Variants in PCDH11X observed in about 807,000 individuals in gnomAD.
PCDH11X encodes protocadherin-11 X-linked.
PCDH11X carries 18 observed loss-of-function variants against 53.3 expected under a neutral mutation model. The observed-to-expected ratio is 0.34, with a 90% CI of 0.23 to 0.50. PCDH11X has a LOEUF of 0.50. Among genes scored for constraint, PCDH11X ranks in the 20% least tolerant of loss-of-function variants. The pLI, the probability that PCDH11X is intolerant of heterozygous loss-of-function variation, is 0.98. For missense variants in PCDH11X, 570 were observed against 1,032.4 expected (o/e 0.55, Z 6.14); for synonymous variants, 279 against 393.3 (o/e 0.71, Z 3.44).
intron 6 of PCDH11X, among the ~76,000 whole-genome samples, chrX:92,179,680 A>G (rs2065963087): frequency 8.9e-6 from 1 of 112,386 alleles, no homozygotes; most frequent in South Asian, 3.6e-4. Context: ...ACTGTTAAAA[A>G]TGAATTCCAT....
chrX:92,214,764 G>C (rs1366483261), intron 7 of PCDH11X, among the ~76,000 whole-genome samples: 1 of 111,641 alleles, frequency 9.0e-6, no homozygotes, highest in Non-Finnish European at 1.9e-5. Flanking sequence ...AGTACTGCCA[G>C]GAGGCCAGGC....
At chrX:92,551,027 G>A (rs139057772) in intron 10 of PCDH11X, among the ~76,000 whole-genome samples, 2,505 of 111,187 alleles carry the variant, frequency 0.023, 87 homozygotes, top group African/African-American at 0.077. Context: ...TAGCTACTGT[G>A]AACAGTGCTC....
chrX:92,074,580 G>C (rs983222785), intron 6 of PCDH11X, among the ~76,000 whole-genome samples: 2 of 111,424 alleles, frequency 1.8e-5, no homozygotes, highest in African/African-American at 6.5e-5. Flanking sequence ...AAAAAAATTT[G>C]TTCTATTCAT....
chrX:92,238,315 AT>A (rs1285691307), intron 7 of PCDH11X, among the ~76,000 whole-genome samples: 1 of 111,423 alleles, frequency 9.0e-6, no homozygotes, highest in Non-Finnish European at 1.9e-5. Context: ...TAGACATCTA[AT>A]TTTCTAGGAT....
At chrX:91,891,368 T>C (rs1276683707) in intron 6 of PCDH11X, among the ~76,000 whole-genome samples, 1 of 102,474 alleles carries the variant, frequency 9.8e-6, no homozygotes, top group East Asian at 3.2e-4. Context: ...CAGGGGCTAC[T>C]AGTTTCATTA....
At chrX:92,281,186 C>T (rs2148444774) in intron 8 of PCDH11X, among the ~76,000 whole-genome samples, 1 of 111,803 alleles carries the variant, frequency 8.9e-6, no homozygotes, top group African/African-American at 3.2e-5. Flanking sequence ...TTAACCACCT[C>T]TTCATTTCTG....
intron 6 of PCDH11X, among the ~76,000 whole-genome samples, chrX:91,971,521 A>G (rs982659234): frequency 6.0e-4 from 66 of 110,670 alleles, no homozygotes; most frequent in African/African-American, 2.1e-3. Flanking sequence ...AATTTCTGAT[A>G]TAAGTGGCCA....
At position 92,277,535 on chromosome X, in the gene PCDH11X, A is replaced by C. The variant is rs2068127339; in HGVS notation, c.3144+14392A>C. On this transcript the variant is annotated intron_variant, in intron 8 of 10. Transcript: ENST00000682573. The stretch of plus-strand genomic sequence containing the variant: ...ATAGCGAAGGAAGCAAGCCTAGAGG[A>C]AAGAGAGAGTAGAGAAATGGAGGGA... 2.8e-5 allele frequency among the ~76,000 whole-genome samples: 3 copies of C among 108,690 alleles called. No individual in the cohort carries two copies. In the South Asian group the frequency reaches 1.2e-3, roughly 45 times the overall value. 94.4% of individuals were successfully genotyped at this position (108,690 alleles called of 115,157 possible).
chrX:92,035,531 GTTAT>G (rs1335090221), intron 6 of PCDH11X, among the ~76,000 whole-genome samples: 1 of 83,990 alleles, frequency 1.2e-5, no homozygotes, highest in African/African-American at 4.4e-5. Flanking sequence ...TTTGTTGTAT[GTTAT>G]TTGTTTCTTC....
chrX:91,846,339 C>T (rs904019642), intron 5 of PCDH11X, among the ~76,000 whole-genome samples: 8 of 111,148 alleles, frequency 7.2e-5, no homozygotes, highest in South Asian at 7.5e-4. Context: ...TATTTTAGGC[C>T]GGGCGCGGTG....
At chrX:92,602,861 A>G (rs1926386929) in intron 10 of PCDH11X, among the ~76,000 whole-genome samples, 1 of 84,143 alleles carries the variant, frequency 1.2e-5, no homozygotes, top group Non-Finnish European at 2.1e-5. Flanking sequence ...GTATTCTGTG[A>G]CAAAATTATG....
At chrX:92,247,071 A>G (rs988117198) in intron 7 of PCDH11X, among the ~76,000 whole-genome samples, 1 of 111,861 alleles carries the variant, frequency 8.9e-6, no homozygotes, top group Non-Finnish European at 1.9e-5. Context: ...TTATCTAGTA[A>G]TTATCTATTT....
chrX:92,130,401 G>C (rs892448157), intron 6 of PCDH11X, among the ~76,000 whole-genome samples: 2 of 110,702 alleles, frequency 1.8e-5, no homozygotes, highest in Admixed American at 2.0e-4. Flanking sequence ...AATCATGCCA[G>C]CACTTTGGGA....
intron 6 of PCDH11X, among the ~76,000 whole-genome samples, chrX:91,923,181 A>C (rs1295403880): frequency 9.9e-6 from 1 of 101,382 alleles, no homozygotes; most frequent in Non-Finnish European, 2.0e-5. Context: ...ATTTCAAGAG[A>C]TGTGTGTGGG....
intron 6 of PCDH11X, among the ~76,000 whole-genome samples, chrX:92,081,923 T>C (rs779397837): frequency 1.8e-5 from 2 of 111,546 alleles, no homozygotes; most frequent in East Asian, 5.7e-4. Context: ...AGAATGGCTT[T>C]ATTACAGAAA....
At position 92,360,109 on chromosome X, in the gene PCDH11X, TACA is replaced by T. The variant is rs1166339741; in HGVS notation, c.3145-27622_3145-27620del. ...AGTGTAAGTTTTACAAAGCTTAAGA[TACA>T]ACATTTCAAAACTATTAATTCCTAT... On this transcript the variant is annotated intron_variant, in intron 8 of 10. Transcript: ENST00000682573. Among the ~76,000 whole-genome samples the T allele has an allele frequency of 8.1e-5, 9 of 111,170 alleles. No individual in the cohort carries two copies. In the Admixed American group the frequency reaches 8.7e-4, roughly 11 times the overall value.
chrX:92,236,367 T>C (rs2148377970), intron 7 of PCDH11X, among the ~76,000 whole-genome samples: 1 of 111,513 alleles, frequency 9.0e-6, no homozygotes, highest in African/African-American at 3.2e-5. Flanking sequence ...AGAAAACAAA[T>C]AGGTAACACA....
At chrX:92,355,735 A>G (rs1468335129) in intron 8 of PCDH11X, among the ~76,000 whole-genome samples, 1 of 109,229 alleles carries the variant, frequency 9.2e-6, no homozygotes, top group Non-Finnish European at 1.9e-5. Context: ...CCCAATTTTG[A>G]TCATGACCAA....
chrX:91,788,260 A>G (rs962729295), intron 1 of PCDH11X, among the ~76,000 whole-genome samples: 39 of 111,712 alleles, frequency 3.5e-4, no homozygotes, highest in African/African-American at 1.2e-3. Context: ...ACTCTGACTC[A>G]GATCTAGAAA....
Sources: gnomAD v4.1 joint callset for allele counts (sites outside exome capture counted in the v4.1 genomes callset) on GRCh38, gnomAD v4.1.1 for gene constraint, MANE v1.5 for transcripts, NCBI Gene and HGNC (gene_info 2026-07-23, HGNC 2026-07-21) for gene names.